Variants in SLC2A7 observed in about 807,000 individuals in gnomAD.
The protein encoded by SLC2A7 is solute carrier family 2 member 7, also known as solute carrier family 2, facilitated glucose transporter member 7.
A neutral mutation model predicts 50.5 loss-of-function variants in SLC2A7; 50 were observed. That is an observed-to-expected ratio of 0.99 (90% confidence interval 0.79 to 1.25). The LOEUF is 1.25. Ranked by LOEUF, SLC2A7 falls within the 50% of genes most tolerant of loss-of-function variation. The probability of loss-of-function intolerance (pLI) is 0.00; values close to 1 mark genes in which losing one functional copy is unlikely to be tolerated. For synonymous variants in SLC2A7, 308 were observed against 300.4 expected, an observed-to-expected ratio of 1.03 and a Z score of -0.26; for missense variants, 683 against 679.1, an observed-to-expected ratio of 1.01 and a Z score of -0.06.
chr1:9,011,045 G>T (rs1640741324), intron 8 of SLC2A7, among the ~76,000 whole-genome samples: 1 of 152,160 alleles, frequency 6.6e-6, no homozygotes, highest in Non-Finnish European at 1.5e-5. Context: ...ACACCCTGGG[G>T]GCCAGGGGCC....
At chr1:9,009,560 G>A (rs1022828164) in intron 9 of SLC2A7, among the ~76,000 whole-genome samples, 2 of 152,198 alleles carry the variant, frequency 1.3e-5, no homozygotes, top group African/African-American at 4.8e-5. Flanking sequence ...AGGCTCAGGT[G>A]ATCCTCCCAC....
chr1:9,002,757 C>T (rs1451546291), downstream of SLC2A7, among the ~76,000 whole-genome samples: 1 of 152,226 alleles, frequency 6.6e-6, no homozygotes, highest in African/African-American at 2.4e-5. Flanking sequence ...TTCAGTCTCT[C>T]ATCCCACCTG....
chr1:9,015,355 A>G, intron 5 of SLC2A7, 113 bp from the exon 6 acceptor site: 1 of 1,346,324 alleles, frequency 7.4e-7, no homozygotes, highest in Non-Finnish European at 9.8e-7. Context: ...TGGGGACTTC[A>G]TTCTCACCAG....
At chr1:9,023,184 T>C in intron 2 of SLC2A7, 106 bp from the exon 3 acceptor site, 1 of 1,195,700 alleles carries the variant, frequency 8.4e-7, no homozygotes, top group Non-Finnish European at 1.2e-6. Flanking sequence ...GTTTTTCTGC[T>C]AACACCTATA....
chr1:8,995,773 A>G, the SLC2A7 span, among the ~76,000 whole-genome samples: 1 of 152,052 alleles, frequency 6.6e-6, no homozygotes, highest in Non-Finnish European at 1.5e-5. Context: ...TTAATTAATT[A>G]ATTTATTTTT....
intron 5 of SLC2A7, among the ~76,000 whole-genome samples, chr1:9,016,328 G>A (rs1163615365): frequency 6.6e-6 from 1 of 152,182 alleles, no homozygotes; most frequent in Non-Finnish European, 1.5e-5. Flanking sequence ...ACCCCGGCCG[G>A]GCATAGTGGC....
chr1:9,000,293 C>G (rs1640556854), downstream of SLC2A7, among the ~76,000 whole-genome samples: 1 of 152,032 alleles, frequency 6.6e-6, no homozygotes, highest in Admixed American at 6.6e-5. Flanking sequence ...TGCACTCCAG[C>G]CTGGACAACA....
the SLC2A7 span, among the ~76,000 whole-genome samples, chr1:8,997,482 C>G: frequency 6.6e-6 from 1 of 152,050 alleles, no homozygotes; most frequent in African/African-American, 2.4e-5. Context: ...TTCACTGCAA[C>G]CTTCGCCTCC....
chr1:9,007,406 G>A (rs1340196461), intron 9 of SLC2A7, 21 bp from the exon 10 acceptor site: 1 of 1,613,244 alleles, frequency 6.2e-7, no homozygotes, highest in East Asian at 2.2e-5. Context: ...AGGCAGGGCT[G>A]TCTGGGCTGA....
At chr1:9,009,549 C>T (rs1640711343) in intron 9 of SLC2A7, among the ~76,000 whole-genome samples, 1 of 152,198 alleles carries the variant, frequency 6.6e-6, no homozygotes, top group Non-Finnish European at 1.5e-5. Context: ...CTTGACCTCC[C>T]AGGCTCAGGT....
In SLC2A7 at chr1:9,008,942, G is replaced by A. The variant is rs769901; in HGVS notation, c.1116+1201C>T. 0.56 allele frequency among the ~76,000 whole-genome samples: 85,439 copies of A among 152,032 alleles called. 24,734 individuals are homozygous for A. The highest frequency in any genetic ancestry group is 0.71 in the African/African-American group (29,541 of 41,504). ...AATTAAAGAAGAAAGTTCTTTCCGA[G>A]GGAAACTTTAATTGATTTATGAGCA... On this transcript the variant is annotated intron_variant, in intron 9 of 11. Transcript: ENST00000400906. The surrounding 1 kb of genome is among the most constrained non-coding windows in gnomAD (Gnocchi z 5.9).
In SLC2A7 at chr1:9,008,686, T is replaced by A. The variant is rs530471538; in HGVS notation, c.1117-1301A>T. ...ATCTTGGCTCACTGCAACCTCTGCC[T>A]CCTGAGTTCAAGTGATTCTCCTGCC... On this transcript the variant is annotated intron_variant, in intron 9 of 11. Coordinates refer to ENST00000400906, the MANE Select transcript of SLC2A7 (RefSeq NM_207420.3). The surrounding 1 kb of genome is among the most constrained non-coding windows in gnomAD (Gnocchi z 5.9). Among the ~76,000 whole-genome samples the A allele has an allele frequency of 4.0e-5, 6 of 151,080 alleles. No individual in the cohort carries two copies. The highest frequency in any genetic ancestry group is 2.0e-4 in the Admixed American group (3 of 15,120).
In SLC2A7 at chr1:9,008,128, G is replaced by A. The variant is rs1640684976; in HGVS notation, c.1117-743C>T. ...TCTGCTCCCAACTGCCGAGAGAACA[G>A]CCAATGCAAAACCGGGTCAACGGAC... On this transcript the variant is annotated intron_variant, in intron 9 of 11. Transcript: ENST00000400906. The surrounding 1 kb of genome is among the most constrained non-coding windows in gnomAD (Gnocchi z 5.9). Among the ~76,000 whole-genome samples, 1 of 152,048 alleles carries A rather than the reference G, an allele frequency of 6.6e-6. No homozygotes were observed.
chr1:8,997,997 A>G (rs1640530376), downstream of SLC2A7, among the ~76,000 whole-genome samples: 1 of 152,164 alleles, frequency 6.6e-6, no homozygotes. Flanking sequence ...GTTCATTTGT[A>G]TATACGATGT....
intron 1 of SLC2A7, among the ~76,000 whole-genome samples, chr1:9,025,954 A>G (rs1640993673): frequency 6.6e-6 from 1 of 152,156 alleles, no homozygotes; most frequent in Admixed American, 6.5e-5. Flanking sequence ...TCCAGGAACA[A>G]CCAGACAGAA....
At chr1:9,023,838 CT>C (rs1162143987) in intron 2 of SLC2A7, among the ~76,000 whole-genome samples, 4 of 17,174 alleles carry the variant, frequency 2.3e-4, no homozygotes, top group African/African-American at 4.8e-4. Context: ...TATTCTTCTT[CT>C]TTTTTTTTTT....
Position 9,014,714 on chromosome 1 carries a change from G to A in SLC2A7, c.870C>T (p.Leu290=). The change falls in exon 7 of 12, where the codon CTC becomes CTT. Residue 290 remains leucine (L), a synonymous_variant. Coordinates refer to ENST00000400906, the MANE Select transcript of SLC2A7 (RefSeq NM_207420.3). ...LRWQLLSIIV[L]MAGQQLSGIN... ...TGCCCGACAGCTGCTGGCCGGCCATGAGCACGATGATGGAGAGGAGCTGCC... is the reference window on the plus strand; with the variant it reads ...TGCCCGACAGCTGCTGGCCGGCCATAAGCACGATGATGGAGAGGAGCTGCC... 2 of 1,566,370 alleles carry A rather than the reference G, an allele frequency of 1.3e-6. No homozygotes were observed. The highest frequency in any genetic ancestry group is 1.7e-6 in the Non-Finnish European group (2 of 1,155,540).
At chr1:9,005,830 C>G (rs1311904618) in intron 10 of SLC2A7, among the ~76,000 whole-genome samples, 1 of 151,876 alleles carries the variant, frequency 6.6e-6, no homozygotes, top group East Asian at 1.9e-4. Flanking sequence ...ACCGATCTCC[C>G]TCTCTGGATG....
At chr1:9,015,075 CG>C in intron 6 of SLC2A7, 41 bp downstream of exon 6, 1 of 1,609,186 alleles carries the variant, frequency 6.2e-7, no homozygotes, top group Non-Finnish European at 8.5e-7. Context: ...GCCTGGCCCC[CG>C]GGGTGGGCAG....
Sources: gnomAD v4.1 joint callset for allele counts (sites outside exome capture counted in the v4.1 genomes callset) on GRCh38, gnomAD v4.1.1 for gene constraint, Gnocchi (gnomAD v3.1) non-coding constraint, MANE v1.5 for transcripts, NCBI Gene and HGNC (gene_info 2026-07-23, HGNC 2026-07-21) for gene names.